SLCO1C1: variants seen among roughly 807,000 people sequenced by gnomAD.
SLCO1C1 encodes the protein solute carrier organic anion transporter family member 1C1.
Under a neutral mutation model 76.4 loss-of-function variants are expected in SLCO1C1, and 70 were observed. That is an observed-to-expected ratio of 0.92 (90% confidence interval 0.76 to 1.12). The LOEUF (loss-of-function observed/expected upper bound fraction) is 1.12. SLCO1C1 is among the 50% of genes most tolerant of loss of function. The probability of loss-of-function intolerance (pLI) is 0.00; values close to 1 mark genes in which losing one functional copy is unlikely to be tolerated. For synonymous variants in SLCO1C1, 306 were observed against 286.1 expected, an observed-to-expected ratio of 1.07 and a Z score of -0.70; for missense variants, 912 against 823.8, an observed-to-expected ratio of 1.11 and a Z score of -1.31.
chr12:20,712,394 C>T (rs1947152325), intron 5 of SLCO1C1, among the ~76,000 whole-genome samples: 1 of 152,168 alleles, frequency 6.6e-6, no homozygotes, highest in African/African-American at 2.4e-5. Flanking sequence ...GCCTGGGCTT[C>T]ACTTGGCCGA....
At position 20,752,176 on chromosome 12, in the gene SLCO1C1, AAC is replaced by A. The variant is rs1949337117; in HGVS notation, c.1917-128_1917-127del. 6.9e-6 allele frequency: 4 copies of A among 581,124 alleles called. No homozygotes were observed. In the South Asian group the frequency reaches 1.2e-4, roughly 17 times the overall value. 36.0% of individuals were successfully genotyped at this position (581,124 alleles called of 1,614,324 possible). On this transcript the variant is annotated intron_variant, in intron 14 of 14. Coordinates refer to ENST00000266509, the MANE Select transcript of SLCO1C1 (RefSeq NM_017435.5). ...TCAACAGTCTGTCAGTATTTCATAA[AAC>A]AGTCTTTTATATAAGCCACCAAATC...
At chr12:20,722,806 A>G (rs1947742894) in intron 8 of SLCO1C1, among the ~76,000 whole-genome samples, 1 of 152,196 alleles carries the variant, frequency 6.6e-6, no homozygotes, top group African/African-American at 2.4e-5. Context: ...TTTTGCCCAC[A>G]TCAGTTAGAG....
intron 6 of SLCO1C1, among the ~76,000 whole-genome samples, chr12:20,715,681 A>G (rs1947331010): frequency 1.3e-5 from 2 of 152,162 alleles, no homozygotes; most frequent in South Asian, 4.1e-4. Flanking sequence ...ATAAGCCTTG[A>G]TAAGCGCTTT....
At chr12:20,728,897 TA>T (rs1948150531) in intron 9 of SLCO1C1, among the ~76,000 whole-genome samples, 1 of 152,118 alleles carries the variant, frequency 6.6e-6, no homozygotes, top group African/African-American at 2.4e-5. Flanking sequence ...AATATAATAA[TA>T]AATTAGCTCT....
chr12:20,722,507 G>A (rs906061605), intron 8 of SLCO1C1, among the ~76,000 whole-genome samples: 15 of 152,146 alleles, frequency 9.9e-5, no homozygotes, highest in Non-Finnish European at 2.9e-5. Context: ...ATGGAAATGA[G>A]CAGCCCCTCA....
rs535879019 is a variant in SLCO1C1 at position 20,711,652 on chromosome 12, T to A, written c.529+142T>A. ...TGAGATATCACAGTACCATAAAAATTCCTAGAATATAAAGCAGTATATGAT... is the reference window on the plus strand; with the variant it reads ...TGAGATATCACAGTACCATAAAAATACCTAGAATATAAAGCAGTATATGAT... On this transcript the variant is annotated intron_variant, in intron 5 of 14. Transcript: ENST00000266509. The A allele has an allele frequency of 1.7e-5, 14 of 800,640 alleles. No individual in the cohort carries two copies. In the African/African-American group the frequency reaches 1.9e-4, roughly 11 times the overall value. The allele number at this position is 800,640 out of a possible 1,614,324, so 49.6% of individuals were successfully genotyped here. A position where few individuals can be genotyped will look rare whatever the true frequency, so the allele number is the denominator to read the frequency against.
chr12:20,732,758 A>G (rs1004641695), intron 9 of SLCO1C1, 151 bp from the exon 10 acceptor site: 18 of 764,892 alleles, frequency 2.4e-5, no homozygotes, highest in Admixed American at 1.4e-4. Flanking sequence ...TATAACCTAG[A>G]TACTCATCAT....
At chr12:20,750,620 A>G in intron 13 of SLCO1C1, 55 bp from the exon 14 acceptor site, 1 of 1,513,494 alleles carries the variant, frequency 6.6e-7, no homozygotes, top group East Asian at 2.3e-5. Context: ...ATAATCGTTC[A>G]TAGACAAAAA....
At chr12:20,724,443 ATATATATATG>A (rs1470951147) in intron 9 of SLCO1C1, among the ~76,000 whole-genome samples, 179 of 99,364 alleles carry the variant, frequency 1.8e-3, no homozygotes, top group South Asian at 2.3e-3. Context: ...ATATATATAT[ATATATATATG>A]TGTGTGTGTG....
intron 2 of SLCO1C1, chr12:20,700,126 T>G (rs71446714): frequency 0.043 from 6,499 of 152,298 alleles, 146 homozygotes; most frequent in Middle Eastern, 0.065. Context: ...CAAACAATAG[T>G]TTTTAGTTTT....
rs117310331 is a variant in SLCO1C1, at chr12:20,751,232, G to A, written c.1916+440G>A. On this transcript the variant is annotated intron_variant, in intron 14 of 14. Transcript: ENST00000266509. ...GTTGGATTTGGCTCTAAATCTGTCC[G>A]GCTTTTATTGCCAAACTAATGTTCA... Among the ~76,000 whole-genome samples, 1,072 of 152,080 alleles carry A rather than the reference G, an allele frequency of 7.0e-3. 22 individuals are homozygous for A. The highest frequency in any genetic ancestry group is 0.046 in the East Asian group (239 of 5,162).
At chr12:20,742,289 T>A (rs1948850416) in intron 12 of SLCO1C1, among the ~76,000 whole-genome samples, 2 of 151,916 alleles carry the variant, frequency 1.3e-5, no homozygotes, top group African/African-American at 4.8e-5. Context: ...TATTGTGAAT[T>A]TTGATGTCAG....
At chr12:20,699,075 C>T (rs544396945) in intron 1 of SLCO1C1, among the ~76,000 whole-genome samples, 1 of 152,150 alleles carries the variant, frequency 6.6e-6, no homozygotes, top group East Asian at 1.9e-4. Flanking sequence ...TTGGGTGCTA[C>T]AGGAATCATA....
At chr12:20,730,014 T>C (rs1038152556) in intron 9 of SLCO1C1, among the ~76,000 whole-genome samples, 18 of 151,914 alleles carry the variant, frequency 1.2e-4, no homozygotes, top group African/African-American at 4.4e-4. Flanking sequence ...CTGCTGGGGG[T>C]CTGGGAGGTC....
At chr12:20,716,711 A>C (rs1428696268) in intron 6 of SLCO1C1, among the ~76,000 whole-genome samples, 1 of 152,102 alleles carries the variant, frequency 6.6e-6, no homozygotes, top group Non-Finnish European at 1.5e-5. Flanking sequence ...GAATGGACAC[A>C]CTTTTTTTCT....
chr12:20,737,323 C>A (rs1948597342), intron 11 of SLCO1C1, 51 bp downstream of exon 11: 4 of 1,508,770 alleles, frequency 2.7e-6, no homozygotes, highest in Admixed American at 2.6e-5. Context: ...ACAATATAAA[C>A]AACAAAACTC....
Position 20,750,780 on chromosome 12 carries a change from C to G in SLCO1C1, c.1904C>G (p.Ser635Ter). ...AGAGGATCATGCAGATTATATGATT[C>G]AAATGTCTTCAGGTACCAAATCAAA... ...GSRGSCRLYD[S>*]NVFRHIYLGL... The change falls in exon 14 of 15, where the codon TCA (serine) becomes TGA (stop). Residue 635 changes from serine (S) to a stop codon, truncating the protein, a stop_gained. Coordinates refer to ENST00000266509, the MANE Select transcript of SLCO1C1 (RefSeq NM_017435.5). LOFTEE classifies it low-confidence loss of function (END_TRUNC). 1 of 1,613,898 alleles carries G rather than the reference C, an allele frequency of 6.2e-7. No homozygotes were observed. The highest frequency in any genetic ancestry group is 8.5e-7 in the Non-Finnish European group (1 of 1,179,896).
At chr12:20,746,823 T>TC (rs1565547960) in intron 13 of SLCO1C1, among the ~76,000 whole-genome samples, 3 of 150,016 alleles carry the variant, frequency 2.0e-5, no homozygotes, top group South Asian at 2.1e-4. Flanking sequence ...CTTTTTTTTT[T>TC]CAAAAACCAT....
chr12:20,751,313 T>C (rs1461551935), intron 14 of SLCO1C1, among the ~76,000 whole-genome samples: 1 of 151,942 alleles, frequency 6.6e-6, no homozygotes, highest in East Asian at 1.9e-4. Flanking sequence ...TGTGGGTGAG[T>C]GTATATGGGG....
Sources: allele counts gnomAD v4.1 joint callset (sites outside exome capture counted in the v4.1 genomes callset), GRCh38; gene constraint gnomAD v4.1.1; transcripts MANE v1.5; gene names NCBI Gene and HGNC (gene_info 2026-07-23, HGNC 2026-07-21).